The following USP50 variants were observed in gnomAD, a reference collection of about 807,000 sequenced individuals.
USP50 encodes ubiquitin carboxyl-terminal hydrolase 50.
Under a neutral mutation model 39.2 loss-of-function variants are expected in USP50, and 37 were observed. That is an observed-to-expected ratio of 0.94 (90% CI 0.73 to 1.24). USP50 has a LOEUF of 1.24. Among genes scored for constraint, USP50 ranks in the 50% most tolerant of loss-of-function variants. The probability of loss-of-function intolerance (pLI) is 0.00; values close to 1 mark genes in which losing one functional copy is unlikely to be tolerated. For missense variants in USP50, 374 were observed against 398.2 expected (o/e 0.94, Z 0.52); for synonymous variants, 139 against 144.5 (o/e 0.96, Z 0.27).
intron 5 of USP50, among the ~76,000 whole-genome samples, chr15:50,537,696 C>A (rs898323460): frequency 2.0e-5 from 3 of 149,242 alleles, no homozygotes; most frequent in East Asian, 2.0e-4. Context: ...CTGTCTCTAC[C>A]AAAAAAAATA....
intron 6 of USP50, among the ~76,000 whole-genome samples, chr15:50,518,926 A>G (rs971557461): frequency 2.0e-5 from 3 of 152,200 alleles, no homozygotes; most frequent in African/African-American, 7.2e-5. Flanking sequence ...ATAAGGTACT[A>G]ATATCCAGAA....
At chr15:50,497,353 A>C (rs1313565682), downstream of USP50, 1 of 1,241,426 alleles carries the variant, frequency 8.1e-7, no homozygotes, top group East Asian at 2.7e-5. Context: ...TTATCTGGTT[A>C]CAGTAGATCT....
intron 4 of USP50, 61 bp from the exon 5 acceptor site, chr15:50,538,912 T>C: frequency 1.3e-6 from 2 of 1,523,820 alleles, no homozygotes; most frequent in Non-Finnish European, 1.8e-6. Flanking sequence ...GCACTCTCTG[T>C]TTCTATTGGA....
At chr15:50,544,927 T>G in intron 1 of USP50, 146 bp from the exon 2 acceptor site, 1 of 829,488 alleles carries the variant, frequency 1.2e-6, no homozygotes, top group Non-Finnish European at 1.8e-6. Flanking sequence ...ACAGGAAGTA[T>G]TGGAACTTGG....
intron 5 of USP50, chr15:50,532,275 C>T (rs1387944819): frequency 2.2e-6 from 1 of 454,736 alleles, no homozygotes; most frequent in Non-Finnish European, 4.4e-6. Context: ...GCTAAAGCAC[C>T]CTGTTCGTAA....
chr15:50,544,455 T>C (rs919704373), intron 2 of USP50, 132 bp downstream of exon 2: 16 of 740,852 alleles, frequency 2.2e-5, no homozygotes, highest in Non-Finnish European at 3.4e-5. Context: ...TCTAGCGTGT[T>C]ATCTGGGAAG....
chr15:50,494,939 T>C (rs1031362460), intron 1 of USP50, among the ~76,000 whole-genome samples: 1 of 150,560 alleles, frequency 6.6e-6, no homozygotes, highest in Non-Finnish European at 1.5e-5. Flanking sequence ...CGCTTGAACC[T>C]GGGAGGCAGA....
At chr15:50,508,751 A>C (rs1431402863) in intron 6 of USP50, 1 of 152,134 alleles carries the variant, frequency 6.6e-6, no homozygotes, top group Non-Finnish European at 1.5e-5. Context: ...TAATCCCTGC[A>C]CTTTGGGAGG....
At chr15:50,528,189 G>A (rs1040511753) in intron 6 of USP50, among the ~76,000 whole-genome samples, 1 of 151,524 alleles carries the variant, frequency 6.6e-6, no homozygotes, top group African/African-American at 2.4e-5. Flanking sequence ...TTACAGGCGT[G>A]AGCCACTGCA....
downstream of USP50, chr15:50,498,542 G>A: frequency 6.6e-7 from 1 of 1,520,360 alleles, no homozygotes; most frequent in Non-Finnish European, 8.8e-7. Flanking sequence ...AATGAATGAG[G>A]ATTCATCCTG....
At chr15:50,516,573 C>T (rs185894282) in intron 6 of USP50, among the ~76,000 whole-genome samples, 259 of 152,156 alleles carry the variant, frequency 1.7e-3, no homozygotes, top group Middle Eastern at 3.4e-3. Context: ...GCCAAGATTA[C>T]GCCATTGCAC....
intron 6 of USP50, chr15:50,503,023 G>A (rs2052613013): frequency 6.6e-6 from 1 of 152,146 alleles, no homozygotes; most frequent in Admixed American, 6.6e-5. Context: ...CTCCTTACAG[G>A]TAATAGAAAT....
chr15:50,527,564 C>A (rs1275734832), intron 6 of USP50, among the ~76,000 whole-genome samples: 3 of 152,010 alleles, frequency 2.0e-5, no homozygotes. Flanking sequence ...GAGGACCACA[C>A]CTTAAGTAGC....
intron 1 of USP50, 126 bp downstream of exon 1, chr15:50,546,347 C>T (rs114970010): frequency 3.0e-5 from 28 of 933,686 alleles, no homozygotes; most frequent in Non-Finnish European, 4.4e-5. Flanking sequence ...CCTTCCTTTC[C>T]GGGGACCTTC....
At position 50,525,670 on chromosome 15, in the gene USP50, G is replaced by GTATAT. The variant is rs1566907729; in HGVS notation, c.936+4122_936+4126dup. Reference sequence around the variant, plus strand: ...TATATGTATATGTATATATGTATATGTATATATGTATATTATATATGTATA... The same window carrying GTATAT: ...TATATGTATATGTATATATGTATATGTATATTATATATGTATATTATATATGTATA... On this transcript the variant is annotated intron_variant, in intron 6 of 6. Transcript: ENST00000532404. Among the ~76,000 whole-genome samples, 106 of 92,506 alleles carry GTATAT rather than the reference G, an allele frequency of 1.1e-3. 2 individuals carry two copies. The highest frequency in any genetic ancestry group is 3.0e-3 in the African/African-American group (74 of 25,036). The allele number at this position is 92,506 out of a possible 152,430, so 60.7% of individuals were successfully genotyped here. A position where few individuals can be genotyped will look rare whatever the true frequency, so the allele number is the denominator to read the frequency against.
intron 6 of USP50, chr15:50,513,376 C>A (rs1343187854): frequency 6.6e-6 from 1 of 151,760 alleles, no homozygotes; most frequent in East Asian, 1.9e-4. Flanking sequence ...TAACCACATG[C>A]AACAATATGG....
At chr15:50,517,370 G>T in intron 6 of USP50, among the ~76,000 whole-genome samples, 1 of 152,026 alleles carries the variant, frequency 6.6e-6, no homozygotes, top group East Asian at 1.9e-4. Flanking sequence ...AACTTGGGAG[G>T]CTGAGGCAGG....
intron 6 of USP50, chr15:50,514,340 A>G (rs947400007): frequency 3.3e-5 from 5 of 152,192 alleles, no homozygotes; most frequent in African/African-American, 1.2e-4. Flanking sequence ...TGTTCACTTG[A>G]AAATCCATCA....
chr15:50,496,100 A>C (rs1230692117), downstream of USP50: 1 of 1,563,038 alleles, frequency 6.4e-7, no homozygotes. Context: ...TTTAAGAAGT[A>C]GAGAGAAAAT....
Sources: gnomAD v4.1 joint callset for allele counts (sites outside exome capture counted in the v4.1 genomes callset) on GRCh38, gnomAD v4.1.1 for gene constraint, MANE v1.5 for transcripts, NCBI Gene and HGNC (gene_info 2026-07-23, HGNC 2026-07-21) for gene names.